Variants in PCDHGA9 observed in about 807,000 individuals in gnomAD.
PCDHGA9 encodes the protein protocadherin gamma subfamily A, 9, also known as protocadherin gamma-A9.
Under a neutral mutation model 62.5 loss-of-function variants are expected in PCDHGA9, and 37 were observed. The ratio of observed to expected loss-of-function variants is 0.59; its 90% CI spans 0.46 to 0.78. The LOEUF (loss-of-function observed/expected upper bound fraction) is 0.78, where lower values mean the gene tolerates loss of function less well. Among genes scored for constraint, PCDHGA9 ranks in the 30% least tolerant of loss-of-function variants. The pLI is 0.00. For missense variants in PCDHGA9, 1,138 were observed against 1,166.2 expected (o/e 0.98, Z 0.35); for synonymous variants, 459 against 484.6 (o/e 0.95, Z 0.69).
Position 141,450,830 on chromosome 5 carries a change from T to TTA in PCDHGA9, c.2425-43976_2425-43975insAT, listed in dbSNP as rs200967731. 4.3e-3 allele frequency among the ~76,000 whole-genome samples: 438 copies of TTA among 101,540 alleles called. 3 individuals carry two copies. Among genetic ancestry groups the TTA allele is most frequent in the African/African-American group, 0.015 (349 of 23,046 alleles). 66.6% of individuals were successfully genotyped at this position (101,540 alleles called of 152,430 possible). ...TATTTATTTAATATTATTATTATTA[T>TTA]TTTTTTTTTTTTGAGATGGGGTCTT... On this transcript the variant is annotated intron_variant, in intron 1 of 3. Transcript: ENST00000573521.
chr5:141,490,065 C>A lies in PCDHGA9; in HGVS notation c.2425-4742C>A, dbSNP rs1161257597. ...CTGATCCAGACGAGGGCACCAACGG[C>A]CAACTAGACTATTCTTTTGGAGACC... On this transcript the variant is annotated intron_variant, in intron 1 of 3. Coordinates refer to ENST00000573521, the MANE Select transcript of PCDHGA9 (RefSeq NM_018921.3). This position sits in a 1 kb window ranked among gnomAD's most constrained non-coding sequence, Gnocchi z 5.4. 1 of 1,614,258 alleles carries A rather than the reference C, an allele frequency of 6.2e-7. No individual in the cohort carries two copies. Among genetic ancestry groups the A allele is most frequent in the South Asian group, 1.1e-5 (1 of 91,090 alleles).
At chr5:141,451,892 A>C (rs1215224398) in intron 1 of PCDHGA9, among the ~76,000 whole-genome samples, 2 of 152,114 alleles carry the variant, frequency 1.3e-5, no homozygotes, top group Non-Finnish European at 2.9e-5. Context: ...AAAGAAAGGA[A>C]GGAACAAGGG....
intron 1 of PCDHGA9, among the ~76,000 whole-genome samples, chr5:141,450,093 G>A (rs1330425383): frequency 2.8e-5 from 4 of 143,748 alleles, no homozygotes; most frequent in East Asian, 2.1e-4. Context: ...TGCAACCTCC[G>A]CCTCCCAGGT....
intron 1 of PCDHGA9, among the ~76,000 whole-genome samples, chr5:141,435,219 C>A (rs1226171884): frequency 6.6e-6 from 1 of 152,118 alleles, no homozygotes; most frequent in Non-Finnish European, 1.5e-5. Flanking sequence ...AATTTACTTT[C>A]TTTCAAAGTT....
At chr5:141,478,535 C>G (rs1359742091) in intron 1 of PCDHGA9, 1 of 1,607,794 alleles carries the variant, frequency 6.2e-7, no homozygotes, top group Non-Finnish European at 8.5e-7. Flanking sequence ...AGAGAGCGCC[C>G]CTCCCGGACA....
At chr5:141,413,722 T>TCC (rs1330658153) in intron 1 of PCDHGA9, 1 of 1,613,450 alleles carries the variant, frequency 6.2e-7, no homozygotes. Context: ...TAAGCACTTC[T>TCC]CCCTAAGAGT....
chr5:141,425,843 G>A (rs2096898027), intron 1 of PCDHGA9, among the ~76,000 whole-genome samples: 1 of 152,118 alleles, frequency 6.6e-6, no homozygotes, highest in African/African-American at 2.4e-5. Flanking sequence ...TCTCTTTGCT[G>A]GGTTAATGAC....
At chr5:141,414,406 C>T (rs1315007586) in intron 1 of PCDHGA9, 6 of 1,613,764 alleles carry the variant, frequency 3.7e-6, no homozygotes, top group African/African-American at 2.7e-5. Flanking sequence ...ATTGGTGATA[C>T]ACAGAGCCCT....
rs1230384508 is a variant in PCDHGA9 at position 141,490,990 on chromosome 5, C to T, written c.2425-3817C>T. On this transcript the variant is annotated intron_variant, in intron 1 of 3. Coordinates refer to ENST00000573521, the MANE Select transcript of PCDHGA9 (RefSeq NM_018921.3). The surrounding 1 kb of genome is among the most constrained non-coding windows in gnomAD (Gnocchi z 5.4). ...CCCCCAGCGTCTCCCTCGCTCTGCT[C>T]CTCCTGGCTCCTTGGTCACCAAGGT... 6 of 1,614,102 alleles carry T rather than the reference C, an allele frequency of 3.7e-6. No homozygotes were observed. The highest frequency in any genetic ancestry group is 1.3e-5 in the African/African-American group (1 of 75,064).
chr5:141,436,267 T>C (rs2097805427), intron 1 of PCDHGA9, among the ~76,000 whole-genome samples: 1 of 152,198 alleles, frequency 6.6e-6, no homozygotes, highest in South Asian at 2.1e-4. Flanking sequence ...TCTGCTCACC[T>C]AACTTGATTT....
intron 1 of PCDHGA9, among the ~76,000 whole-genome samples, chr5:141,425,919 GA>G (rs2096903434): frequency 6.6e-6 from 1 of 152,056 alleles, no homozygotes; most frequent in African/African-American, 2.4e-5. Flanking sequence ...CAGTCACTAC[GA>G]AAACTCATAA....
At chr5:141,429,396 T>A (rs2097212352) in intron 1 of PCDHGA9, among the ~76,000 whole-genome samples, 1 of 151,520 alleles carries the variant, frequency 6.6e-6, no homozygotes, top group African/African-American at 2.4e-5. Context: ...TTAAAAAAAA[T>A]TGAGATTAAG....
chr5:141,457,168 C>T (rs10072917), intron 1 of PCDHGA9, among the ~76,000 whole-genome samples: 42,426 of 152,004 alleles, frequency 0.28, 6,644 homozygotes, highest in African/African-American at 0.43. Context: ...ATGGATAACC[C>T]TATTGCAAAT....
In PCDHGA9 at chr5:141,451,946, G is replaced by A. The variant is rs146934262; in HGVS notation, c.2425-42861G>A. On this transcript the variant is annotated intron_variant, in intron 1 of 3. Coordinates refer to ENST00000573521, the MANE Select transcript of PCDHGA9 (RefSeq NM_018921.3). ...GGAGGTAGGGAGGCAGGGAAAGACC[G>A]AGAAAGTGACATACCATCATTTTTG... Among the ~76,000 whole-genome samples, 240 of 152,218 alleles carry A rather than the reference G, an allele frequency of 1.6e-3. 1 individual carries two copies. Among genetic ancestry groups the A allele is most frequent in the Non-Finnish European group, 2.9e-3 (195 of 68,026 alleles).
Position 141,510,979 on chromosome 5 carries a change from G to A in PCDHGA9, c.2605G>A (p.Gly869Ser). 6.2e-7 allele frequency: 1 copy of A among 1,614,156 alleles called. No homozygotes were observed. The highest frequency in any genetic ancestry group is 8.5e-7 in the Non-Finnish European group (1 of 1,180,018). Reference sequence around the variant, plus strand: ...TGATGGGAGCTCCACCCTGGGAGGGGGTGCCGGCACCATGGGATTGAGCGC... The same window carrying A: ...TGATGGGAGCTCCACCCTGGGAGGGAGTGCCGGCACCATGGGATTGAGCGC... ...AADGSSTLGG[G>S]AGTMGLSARY... The change falls in exon 4 of 4, where the codon GGT becomes AGT. Residue 869 changes from glycine (G) to serine (S), a missense_variant. Physicochemically the swap from Gly to Ser is moderately conservative, Grantham distance 56. Transcript: ENST00000573521.
chr5:141,409,990 C>T (rs377295503), intron 1 of PCDHGA9: 1 of 1,613,160 alleles, frequency 6.2e-7, no homozygotes, highest in Non-Finnish European at 8.5e-7. Flanking sequence ...CGGTGGACGC[C>T]GACTCGGGAC....
At chr5:141,495,492 G>C (rs1321150765) in intron 2 of PCDHGA9, among the ~76,000 whole-genome samples, 1 of 152,148 alleles carries the variant, frequency 6.6e-6, no homozygotes, top group Non-Finnish European at 1.5e-5. Flanking sequence ...CCTTTTTCTT[G>C]AGTTTCCGTC....
chr5:141,421,916 G>T (rs754653877), intron 1 of PCDHGA9: 1 of 1,613,528 alleles, frequency 6.2e-7, no homozygotes. Flanking sequence ...GTTCCCATTC[G>T]TGTGGTGGTC....
intron 1 of PCDHGA9, among the ~76,000 whole-genome samples, chr5:141,438,370 A>G (rs2097956460): frequency 1.3e-5 from 2 of 152,004 alleles, no homozygotes; most frequent in South Asian, 4.2e-4. Context: ...CATTGAGGGC[A>G]GATATAATTT....
Sources: gnomAD v4.1 joint callset for allele counts (sites outside exome capture counted in the v4.1 genomes callset) on GRCh38, gnomAD v4.1.1 for gene constraint, Gnocchi (gnomAD v3.1) non-coding constraint, MANE v1.5 for transcripts, NCBI Gene and HGNC (gene_info 2026-07-23, HGNC 2026-07-21) for gene names.